The following PUM1 variants were observed in gnomAD, a reference collection of about 807,000 sequenced individuals.
PUM1 encodes the protein pumilio RNA binding family member 1, also known as pumilio homolog 1.
A neutral mutation model predicts 131.8 loss-of-function variants in PUM1; 13 were observed. That is an observed-to-expected ratio of 0.10 (90% CI 0.06 to 0.16). PUM1 has a LOEUF of 0.16. Ranked by LOEUF, PUM1 falls within the 10% of genes least tolerant of loss-of-function variation. The probability of loss-of-function intolerance (pLI) is 1.00; values close to 1 mark genes in which losing one functional copy is unlikely to be tolerated. For synonymous variants in PUM1, 509 were observed against 556.5 expected (o/e 0.91, Z 1.20); for missense variants, 961 against 1,512.4 (o/e 0.64, Z 6.05).
intron 7 of PUM1, among the ~76,000 whole-genome samples, chr1:30,986,700 C>T (rs1641573711): frequency 6.6e-6 from 1 of 152,140 alleles, no homozygotes; most frequent in Admixed American, 6.5e-5. Context: ...AGAAAAACTT[C>T]ACCATAAGTA....
At chr1:31,051,042 A>G (rs1453275090) in intron 2 of PUM1, 1 of 153,332 alleles carries the variant, frequency 6.5e-6, no homozygotes, top group East Asian at 1.9e-4. Flanking sequence ...ATTGGGCTGC[A>G]TTAAGTTGGA....
intron 8 of PUM1, 75 bp from the exon 9 acceptor site, chr1:30,980,238 G>C: frequency 1.8e-6 from 2 of 1,132,548 alleles, no homozygotes; most frequent in South Asian, 1.3e-5. Flanking sequence ...ACACAGTTTC[G>C]CTATTCACTC....
intron 5 of PUM1, among the ~76,000 whole-genome samples, chr1:31,003,284 A>G (rs1043886084): frequency 3.9e-5 from 6 of 152,224 alleles, no homozygotes; most frequent in Admixed American, 3.9e-4. Flanking sequence ...ACTTTAAATG[A>G]CAGACTAGAC....
chr1:31,043,495 C>T (rs574458842), intron 2 of PUM1, among the ~76,000 whole-genome samples: 3 of 152,138 alleles, frequency 2.0e-5, no homozygotes, highest in Admixed American at 2.0e-4. Context: ...GCTGGGATTA[C>T]AGAGAACATT....
At chr1:31,013,618 C>T (rs942761824) in intron 3 of PUM1, among the ~76,000 whole-genome samples, 1 of 152,164 alleles carries the variant, frequency 6.6e-6, no homozygotes, top group Non-Finnish European at 1.5e-5. Context: ...ACAACCAAAA[C>T]AATTATTAAT....
chr1:31,011,108 C>T (rs983483170), intron 3 of PUM1, among the ~76,000 whole-genome samples: 2 of 151,274 alleles, frequency 1.3e-5, no homozygotes, highest in South Asian at 2.1e-4. Context: ...CAGTGAGCTA[C>T]GATTACACTA....
chr1:31,008,612 A>G (rs554287870), intron 3 of PUM1, among the ~76,000 whole-genome samples: 2 of 152,250 alleles, frequency 1.3e-5, no homozygotes, highest in South Asian at 2.1e-4. Context: ...GAAGTGCCCT[A>G]GGAAATCTTA....
At chr1:30,977,937 G>A (rs192974610) in intron 9 of PUM1, among the ~76,000 whole-genome samples, 1 of 152,134 alleles carries the variant, frequency 6.6e-6, no homozygotes, top group African/African-American at 2.4e-5. Flanking sequence ...TAAATTGTGT[G>A]ACTTCAAATG....
At position 31,002,953 on chromosome 1, in the gene PUM1, G is replaced by A. The variant is rs140191013; in HGVS notation, c.720+2900C>T. The stretch of plus-strand genomic sequence containing the variant: ...ATAACCAGCAAAGTTCACTGAAAAT[G>A]GTAAAACACTACATAGAGATTTATT... On this transcript the variant is annotated intron_variant, in intron 5 of 21. Transcript: ENST00000426105. 3.7e-3 allele frequency among the ~76,000 whole-genome samples: 557 copies of A among 152,230 alleles called. 4 individuals are homozygous for A. Among genetic ancestry groups the A allele is most frequent in the African/African-American group, 0.013 (525 of 41,540 alleles).
chr1:30,979,477 G>C (rs1260226168), intron 9 of PUM1, among the ~76,000 whole-genome samples: 2 of 152,136 alleles, frequency 1.3e-5, no homozygotes, highest in South Asian at 4.1e-4. Context: ...TTATCTGGAA[G>C]CTCCTTAAAA....
intron 2 of PUM1, among the ~76,000 whole-genome samples, chr1:31,040,095 A>T (rs542384993): frequency 4.6e-4 from 70 of 152,116 alleles, no homozygotes; most frequent in Middle Eastern, 3.4e-3. Flanking sequence ...TCTTTTTTTT[A>T]AAAAATAGAG....
At position 31,034,000 on chromosome 1, in the gene PUM1, G is replaced by T. The variant is rs1003386313; in HGVS notation, c.364-5136C>A. Among the ~76,000 whole-genome samples the T allele has an allele frequency of 2.6e-5, 4 of 152,144 alleles. No homozygotes were observed. The East Asian group carries it at 7.7e-4, about 29-fold the overall frequency. ...GAATTCTGAATTGTAAGAAGTTAAT[G>T]ATCCAAATAGAAATTCAATTATTTG... On this transcript the variant is annotated intron_variant, in intron 2 of 21. Transcript: ENST00000426105.
At chr1:30,983,488 G>A (rs770215622) in intron 7 of PUM1, among the ~76,000 whole-genome samples, 16 of 152,122 alleles carry the variant, frequency 1.1e-4, no homozygotes, top group African/African-American at 3.4e-4. Context: ...CTGTGACATG[G>A]AACTGGGGAA....
intron 3 of PUM1, among the ~76,000 whole-genome samples, chr1:31,028,123 C>CGGGAG (rs1205636077): frequency 2.0e-5 from 3 of 152,170 alleles, no homozygotes; most frequent in African/African-American, 7.2e-5. Flanking sequence ...GATATCTATA[C>CGGGAG]TCCCCTTCCT....
intron 2 of PUM1, among the ~76,000 whole-genome samples, chr1:31,057,724 CAAAAAAAAAAAAAA>C (rs58490041): frequency 4.1e-5 from 3 of 72,484 alleles, no homozygotes; most frequent in Non-Finnish European, 7.3e-5. Flanking sequence ...GACTCCATCT[CAAAAAAAAAAAAAA>C]AAAAAAAAAC....
chr1:31,002,014 C>T (rs1207104870), intron 5 of PUM1, among the ~76,000 whole-genome samples: 1 of 152,230 alleles, frequency 6.6e-6, no homozygotes, highest in African/African-American at 2.4e-5. Flanking sequence ...TGTCGGCCCA[C>T]TGACTTTGGT....
At chr1:30,936,247 G>A (rs1639204516) in intron 21 of PUM1, among the ~76,000 whole-genome samples, 1 of 151,828 alleles carries the variant, frequency 6.6e-6, no homozygotes, top group Non-Finnish European at 1.5e-5. Flanking sequence ...GCACAGAGTG[G>A]GCTTCAGGTC....
At chr1:30,956,710 T>C (rs541582402) in intron 14 of PUM1, among the ~76,000 whole-genome samples, 2 of 152,266 alleles carry the variant, frequency 1.3e-5, no homozygotes, top group South Asian at 4.1e-4. Flanking sequence ...GAAGAAGGTA[T>C]GGGGCGAACA....
chr1:31,003,423 G>A lies in PUM1; in HGVS notation c.720+2430C>T, dbSNP rs1327104824. On this transcript the variant is annotated intron_variant, in intron 5 of 21. Coordinates refer to ENST00000426105, the MANE Select transcript of PUM1 (RefSeq NM_001020658.2). ...TGACCAACAGGCAGAGCAAAGTCAGGTTAGGTATAAAATCAAGAGGATACA... is the reference window on the plus strand; with the variant it reads ...TGACCAACAGGCAGAGCAAAGTCAGATTAGGTATAAAATCAAGAGGATACA... 2.6e-5 allele frequency among the ~76,000 whole-genome samples: 4 copies of A among 152,276 alleles called. No homozygotes were observed. The South Asian group carries it at 6.2e-4, about 24-fold the overall frequency.
Sources: gnomAD v4.1 joint callset for allele counts (sites outside exome capture counted in the v4.1 genomes callset) on GRCh38, gnomAD v4.1.1 for gene constraint, MANE v1.5 for transcripts, NCBI Gene and HGNC (gene_info 2026-07-23, HGNC 2026-07-21) for gene names.